Variants in INSC observed in about 807,000 individuals in gnomAD.
The protein encoded by INSC is INSC spindle orientation adaptor protein, also known as protein inscuteable homolog.
INSC carries 67 observed loss-of-function variants against 58.6 expected under a neutral mutation model. The ratio of observed to expected loss-of-function variants is 1.14; its 90% CI spans 0.94 to 1.40. INSC has a LOEUF of 1.40. Ranked by LOEUF, INSC falls within the 40% of genes most tolerant of loss-of-function variation. The pLI, the probability that INSC is intolerant of heterozygous loss-of-function variation, is 0.00. For missense variants in INSC, 714 were observed against 692.0 expected, an observed-to-expected ratio of 1.03 and a Z score of -0.36; for synonymous variants, 262 against 276.1, an observed-to-expected ratio of 0.95 and a Z score of 0.51.
intron 2 of INSC, among the ~76,000 whole-genome samples, chr11:15,153,315 C>T (rs954085545): frequency 2.0e-5 from 3 of 152,240 alleles, no homozygotes; most frequent in Admixed American, 1.3e-4. Context: ...TGAGCCTGGA[C>T]TGGATGCAGC....
chr11:15,174,599 C>A (rs921379194), intron 2 of INSC, among the ~76,000 whole-genome samples: 3 of 152,100 alleles, frequency 2.0e-5, no homozygotes, highest in African/African-American at 7.2e-5. Flanking sequence ...GTAAGATCAG[C>A]GGCAGAAAGA....
chr11:15,127,802 G>A (rs544302447), intron 1 of INSC, among the ~76,000 whole-genome samples: 5 of 152,174 alleles, frequency 3.3e-5, no homozygotes, highest in Admixed American at 3.3e-4. Context: ...GAGAACTTGA[G>A]TTCACAACAT....
Position 15,221,488 on chromosome 11 carries a change from T to A in INSC, c.831T>A (p.Val277=). The change falls in exon 8 of 13, where the codon GTT becomes GTA. Residue 277 remains valine, a synonymous_variant. Transcript: ENST00000379556. ...CTCTCCATCTGCAGGTGGATGGCGT[T>A]CTGTGCTTGGCCGACATCCTGACCG... is the stretch of plus-strand genomic sequence containing the variant. ...GVHQLEKVDG[V]LCLADILTDN... is the part of the protein sequence containing the mutation. The A allele has an allele frequency of 6.2e-7, 1 of 1,610,500 alleles. No individual in the cohort carries two copies. The highest frequency in any genetic ancestry group is 1.1e-5 in the South Asian group (1 of 90,458).
At chr11:15,229,385 A>G (rs1049714712) in intron 9 of INSC, among the ~76,000 whole-genome samples, 2 of 152,168 alleles carry the variant, frequency 1.3e-5, no homozygotes, top group African/African-American at 4.8e-5. Flanking sequence ...AAATCTCTCT[A>G]TAGTTTATAA....
intron 2 of INSC, among the ~76,000 whole-genome samples, chr11:15,164,200 AAAAT>A (rs1849116538): frequency 6.6e-6 from 1 of 152,082 alleles, no homozygotes; most frequent in East Asian, 1.9e-4. Flanking sequence ...TTCTCTTTTT[AAAAT>A]AACTATATAT....
intron 2 of INSC, among the ~76,000 whole-genome samples, chr11:15,163,033 T>C (rs1359220609): frequency 2.0e-5 from 3 of 152,214 alleles, no homozygotes; most frequent in African/African-American, 7.2e-5. Flanking sequence ...GTCCAAGTCT[T>C]ACTGATTTTG....
At chr11:15,119,869 A>T (rs1468812669) in intron 1 of INSC, among the ~76,000 whole-genome samples, 3 of 152,254 alleles carry the variant, frequency 2.0e-5, no homozygotes, top group Non-Finnish European at 4.4e-5. Context: ...GGGGTTCCTC[A>T]TAAGGCAATG....
chr11:15,141,987 C>T lies in INSC; in HGVS notation c.-45-7143C>T, dbSNP rs542204609. ...TCCCCTGCTCAAACACCTTTGATGG[C>T]TCCCTATCACCAACAGGACAGAGAC... is the stretch of plus-strand genomic sequence containing the variant. On this transcript the variant is annotated intron_variant, in intron 1 of 12. Transcript: ENST00000379556. Among the ~76,000 whole-genome samples, 8 of 152,316 alleles carry T rather than the reference C, an allele frequency of 5.3e-5. No homozygotes were observed. In the East Asian group the frequency reaches 1.5e-3, roughly 29 times the overall value.
intron 9 of INSC, among the ~76,000 whole-genome samples, chr11:15,229,605 C>T (rs936090372): frequency 1.3e-5 from 2 of 151,864 alleles, no homozygotes; most frequent in East Asian, 1.9e-4. Context: ...GATGGGATAA[C>T]GCTCATAAAG....
intron 9 of INSC, among the ~76,000 whole-genome samples, chr11:15,226,252 C>T (rs1646540118): frequency 2.0e-5 from 3 of 151,998 alleles, no homozygotes; most frequent in African/African-American, 7.3e-5. Context: ...TGTTGGTGGC[C>T]GTCTAACACT....
chr11:15,169,635 AG>A (rs1166101363), intron 2 of INSC, among the ~76,000 whole-genome samples: 1 of 151,784 alleles, frequency 6.6e-6, no homozygotes, highest in Non-Finnish European at 1.5e-5. Context: ...TCTGCCTCCC[AG>A]GTTCAAGTGA....
intron 1 of INSC, among the ~76,000 whole-genome samples, chr11:15,126,212 C>G (rs2133695563): frequency 6.6e-6 from 1 of 152,246 alleles, no homozygotes; most frequent in Non-Finnish European, 1.5e-5. Flanking sequence ...ACTCAGAGAG[C>G]AAGAAGACAA....
At chr11:15,157,175 C>T (rs1447501070) in intron 2 of INSC, among the ~76,000 whole-genome samples, 1 of 152,178 alleles carries the variant, frequency 6.6e-6, no homozygotes, top group Non-Finnish European at 1.5e-5. Context: ...GGATGCCCTT[C>T]TTGCTCTCCA....
intron 2 of INSC, among the ~76,000 whole-genome samples, chr11:15,158,331 C>T (rs1848889558): frequency 6.6e-6 from 1 of 151,254 alleles, no homozygotes; most frequent in Non-Finnish European, 1.5e-5. Context: ...TCTCTTCAGA[C>T]CCGTTCCTGG....
At chr11:15,205,286 C>T (rs541668436) in intron 7 of INSC, among the ~76,000 whole-genome samples, 2 of 152,326 alleles carry the variant, frequency 1.3e-5, no homozygotes, top group African/African-American at 4.8e-5. Context: ...CACTAATTCA[C>T]TCTATGAATT....
intron 5 of INSC, among the ~76,000 whole-genome samples, chr11:15,186,121 G>A (rs1273003540): frequency 6.6e-6 from 1 of 152,164 alleles, no homozygotes; most frequent in Non-Finnish European, 1.5e-5. Flanking sequence ...TACCTGAACT[G>A]AGGCCACTCT....
chr11:15,121,226 C>T (rs997698734), intron 1 of INSC, among the ~76,000 whole-genome samples: 1 of 152,206 alleles, frequency 6.6e-6, no homozygotes, highest in Non-Finnish European at 1.5e-5. Context: ...ATCTCCCTCA[C>T]CTCAGTTAGG....
intron 8 of INSC, among the ~76,000 whole-genome samples, chr11:15,221,864 C>T (rs1199382454): frequency 6.6e-6 from 1 of 152,182 alleles, no homozygotes; most frequent in Non-Finnish European, 1.5e-5. Context: ...GTGTGCGGCC[C>T]TCTGAGAAGC....
At position 15,246,070 on chromosome 11, in the gene INSC, G is replaced by A. The variant is rs370307703; in HGVS notation, c.*30G>A. On this transcript the variant is annotated 3_prime_UTR_variant, in exon 13 of 13. Coordinates refer to ENST00000379556, the MANE Select transcript of INSC (RefSeq NM_001042536.3). The stretch of plus-strand genomic sequence containing the variant: ...TGTGGGCGAAGAAATACATTTGGCT[G>A]TTCTCACACCCCCTCTGACTATGCA... 347 of 1,613,248 alleles carry A rather than the reference G, an allele frequency of 2.2e-4. 2 individuals are homozygous for A. Among genetic ancestry groups the A allele is most frequent in the Non-Finnish European group, 7.6e-5 (90 of 1,179,514 alleles).
Sources: allele counts gnomAD v4.1 joint callset (sites outside exome capture counted in the v4.1 genomes callset), GRCh38; gene constraint gnomAD v4.1.1; transcripts MANE v1.5; gene names NCBI Gene and HGNC (gene_info 2026-07-23, HGNC 2026-07-21).